CDC7: variants seen among roughly 807,000 people sequenced by gnomAD.
CDC7 encodes cell division cycle 7-related protein kinase.
In CDC7, 34 loss-of-function variants were observed where a neutral mutation model predicts 53.5. The ratio of observed to expected loss-of-function variants is 0.64; its 90% CI spans 0.48 to 0.85. The LOEUF (loss-of-function observed/expected upper bound fraction) is 0.85, where lower values mean the gene tolerates loss of function less well. Among genes scored for constraint, CDC7 ranks in the 40% least tolerant of loss-of-function variants. The probability of loss-of-function intolerance (pLI) is 0.00; values close to 1 mark genes in which losing one functional copy is unlikely to be tolerated. For synonymous variants in CDC7, 211 were observed against 222.8 expected (o/e 0.95, Z 0.47); for missense variants, 594 against 679.7 (o/e 0.87, Z 1.40).
intron 6 of CDC7, 132 bp from the exon 7 acceptor site, chr1:91,512,926 T>A: frequency 2.6e-6 from 2 of 766,226 alleles, no homozygotes; most frequent in Non-Finnish European, 4.1e-6. Flanking sequence ...TTTTCTTTTT[T>A]CCAGAATGTT....
At chr1:91,508,227 C>A in intron 3 of CDC7, 35 bp from the exon 4 acceptor site, 2 of 1,535,068 alleles carry the variant, frequency 1.3e-6, no homozygotes, top group South Asian at 2.5e-5. Flanking sequence ...TTTTTAAAAA[C>A]CAGATATTGA....
Position 91,512,930 on chromosome 1 carries a change from G to T in CDC7, c.573-128G>T. On this transcript the variant is annotated intron_variant, in intron 6 of 11. Transcript: ENST00000234626. Reference sequence around the variant, plus strand: ...AACTTATTTTTTTTTCTTTTTTCCAGAATGTTATAAATTCCTAATTGATCC... The same window carrying T: ...AACTTATTTTTTTTTCTTTTTTCCATAATGTTATAAATTCCTAATTGATCC... 9.2e-6 allele frequency: 7 copies of T among 760,724 alleles called. No individual in the cohort carries two copies. The South Asian group carries it at 9.9e-5, about 11-fold the overall frequency. The allele number at this position is 760,724 out of a possible 1,614,324, so 47.1% of individuals were successfully genotyped here.
At position 91,525,354 on chromosome 1, in the gene CDC7, T is replaced by C. The variant is rs1315721267; in HGVS notation, c.*919T>C. 1 of 152,166 alleles carries C rather than the reference T, an allele frequency of 6.6e-6. No homozygotes were observed. The highest frequency in any genetic ancestry group is 2.4e-5 in the African/African-American group (1 of 41,444). The allele number at this position is 152,166 out of a possible 1,614,324, so 9.4% of individuals were successfully genotyped here. On this transcript the variant is annotated 3_prime_UTR_variant, in exon 12 of 12. Transcript: ENST00000234626. ...AATTGACGGTATTATTGGAGATTTT[T>C]CCTCTGCGTAGAGCCATCCAGATCT... is the stretch of plus-strand genomic sequence containing the variant.
At chr1:91,519,934 C>T (rs1395916314) in intron 10 of CDC7, among the ~76,000 whole-genome samples, 196 bp from the exon 11 acceptor site, 4 of 152,160 alleles carry the variant, frequency 2.6e-5, no homozygotes, top group Non-Finnish European at 5.9e-5. Flanking sequence ...ATTAAAATCA[C>T]CTGAGGAACT....
intron 2 of CDC7, among the ~76,000 whole-genome samples, chr1:91,504,313 C>T (rs1372203588): frequency 1.3e-5 from 2 of 152,010 alleles, no homozygotes; most frequent in Non-Finnish European, 2.9e-5. Flanking sequence ...TGCTATGTTG[C>T]CCAGGCTGGT....
Position 91,514,016 on chromosome 1 carries a change from C to T in CDC7, c.891C>T (p.Ser297=). ...FGERNFNIHS[S]ISHESPAVKL... ...AAAGAAATTTCAATATACACAGCTC[C>T]ATTTCACATGAGAGCCCTGCAGTGA... is the stretch of plus-strand genomic sequence containing the variant. The change falls in exon 8 of 12, where the codon TCC becomes TCT. Residue 297 remains serine, a synonymous_variant. Transcript: ENST00000234626. 6.2e-7 allele frequency: 1 copy of T among 1,611,576 alleles called. No individual in the cohort carries two copies. Among genetic ancestry groups the T allele is most frequent in the Non-Finnish European group, 8.5e-7 (1 of 1,178,094 alleles).
chr1:91,517,005 C>T (rs984605346), intron 10 of CDC7, among the ~76,000 whole-genome samples: 1 of 152,052 alleles, frequency 6.6e-6, no homozygotes, highest in African/African-American at 2.4e-5. Flanking sequence ...GCGGAAGTTG[C>T]AGTGAGCCAA....
intron 11 of CDC7, among the ~76,000 whole-genome samples, chr1:91,521,077 C>T (rs1347427003): frequency 6.6e-6 from 1 of 152,216 alleles, no homozygotes; most frequent in Non-Finnish European, 1.5e-5. Flanking sequence ...CCATACAATA[C>T]AGAACACCTC....
At position 91,524,393 on chromosome 1, in the gene CDC7, A is replaced by C. The variant is rs561497242; in HGVS notation, c.1683A>C (p.Glu561Asp). The change falls in exon 12 of 12, where the codon GAA (glutamate) becomes GAC (aspartate). Residue 561 changes from glutamate to aspartate, a missense_variant. Transcript: ENST00000234626. ...DLNPASRITA[E>D]EALLHPFFKD... ...ATCCAGCTTCAAGAATAACAGCAGA[A>C]GAAGCTTTGTTGCATCCATTTTTTA... is the stretch of plus-strand genomic sequence containing the variant. 6 of 1,612,098 alleles carry C rather than the reference A, an allele frequency of 3.7e-6. No homozygotes were observed. The highest frequency in any genetic ancestry group is 1.7e-4 in the Middle Eastern group (1 of 5,934).
rs1209178340 is a variant in CDC7 at position 91,524,060 on chromosome 1, C to T, written c.1350C>T (p.Ser450=). The change falls in exon 12 of 12, where the codon AGC becomes AGT. Residue 450 remains serine (S), a synonymous_variant. Coordinates refer to ENST00000234626, the MANE Select transcript of CDC7 (RefSeq NM_003503.4). Reference sequence around the variant, plus strand: ...TTTTAGGGAAATCAATATTATGTAGCAAAGAAGTTCCAGCACAAGACTTGA... The same window carrying T: ...TTTTAGGGAAATCAATATTATGTAGTAAAGAAGTTCCAGCACAAGACTTGA... ...AKTFGKSILC[S]KEVPAQDLRK... 6.3e-7 allele frequency: 1 copy of T among 1,597,444 alleles called. No individual in the cohort carries two copies. Among genetic ancestry groups the T allele is most frequent in the Admixed American group, 1.7e-5 (1 of 57,182 alleles).
At chr1:91,523,015 T>G (rs1442000686) in intron 11 of CDC7, among the ~76,000 whole-genome samples, 1 of 152,242 alleles carries the variant, frequency 6.6e-6, no homozygotes, top group East Asian at 1.9e-4. Context: ...AATACATGAT[T>G]GCCATTTGTG....
At chr1:91,517,785 A>T (rs1291816995) in intron 10 of CDC7, among the ~76,000 whole-genome samples, 1 of 152,076 alleles carries the variant, frequency 6.6e-6, no homozygotes, top group Non-Finnish European at 1.5e-5. Flanking sequence ...GAGCAGGCAG[A>T]GGTACCAAAG....
chr1:91,507,921 G>T lies in CDC7; in HGVS notation c.183G>T (p.Glu61Asp). ...VPQLSNVFKI[E>D]DKIGEGTFSS... is the part of the protein sequence containing the mutation. Reference sequence around the variant, plus strand: ...AGCTTAGTAATGTGTTTAAGATTGAGGACAAAATTGGAGAAGGTAATCTGG... The same window carrying T: ...AGCTTAGTAATGTGTTTAAGATTGATGACAAAATTGGAGAAGGTAATCTGG... The change falls in exon 3 of 12, where the codon GAG (glutamate) becomes GAT (aspartate). Residue 61 changes from glutamate to aspartate, a missense_variant. By Grantham distance (45) the Glu-to-Asp change is conservative. Coordinates refer to ENST00000234626, the MANE Select transcript of CDC7 (RefSeq NM_003503.4). 6.4e-7 allele frequency: 1 copy of T among 1,557,330 alleles called. No individual in the cohort carries two copies. The highest frequency in any genetic ancestry group is 2.3e-5 in the East Asian group (1 of 42,972).
chr1:91,523,438 A>G (rs1218141640), intron 11 of CDC7, among the ~76,000 whole-genome samples: 1 of 152,204 alleles, frequency 6.6e-6, no homozygotes, highest in East Asian at 1.9e-4. Context: ...TCAAAGATAA[A>G]TAAGACAGTT....
chr1:91,523,380 T>C (rs1025461497), intron 11 of CDC7, among the ~76,000 whole-genome samples: 1 of 152,196 alleles, frequency 6.6e-6, no homozygotes, highest in Non-Finnish European at 1.5e-5. Flanking sequence ...CCAACAGACA[T>C]TAACTGACTA....
chr1:91,518,093 CAAAA>C (rs55787737), intron 10 of CDC7, among the ~76,000 whole-genome samples: 30 of 46,024 alleles, frequency 6.5e-4, no homozygotes, highest in Non-Finnish European at 9.4e-4. Context: ...GACTCAGTCT[CAAAA>C]AAAAAAAAAA....
chr1:91,524,062 A>G lies in CDC7; in HGVS notation c.1352A>G (p.Lys451Arg). The change falls in exon 12 of 12, where the codon AAA (lysine) becomes AGA (arginine). Residue 451 changes from lysine to arginine, a missense_variant. By Grantham distance (26) the Lys-to-Arg change is conservative (BLOSUM62 2). Coordinates refer to ENST00000234626, the MANE Select transcript of CDC7 (RefSeq NM_003503.4). ...TTAGGGAAATCAATATTATGTAGCA[A>G]AGAAGTTCCAGCACAAGACTTGAGA... ...KTFGKSILCS[K>R]EVPAQDLRKL... The G allele has an allele frequency of 1.3e-6, 2 of 1,599,330 alleles. No individual in the cohort carries two copies. The highest frequency in any genetic ancestry group is 1.3e-5 in the African/African-American group (1 of 74,252).
chr1:91,503,921 T>G (rs993871892), intron 2 of CDC7, among the ~76,000 whole-genome samples: 2 of 152,140 alleles, frequency 1.3e-5, no homozygotes, highest in Admixed American at 1.3e-4. Flanking sequence ...ATATTGCTCA[T>G]GTAGTAAATA....
At chr1:91,512,031 T>A (rs938679376) in intron 6 of CDC7, 108 bp downstream of exon 6, 19 of 830,938 alleles carry the variant, frequency 2.3e-5, no homozygotes, top group Non-Finnish European at 3.0e-5. Context: ...GTACAAAAGT[T>A]ACTATTGTGA....
Sources: gnomAD v4.1 joint callset for allele counts (sites outside exome capture counted in the v4.1 genomes callset) on GRCh38, gnomAD v4.1.1 for gene constraint, MANE v1.5 for transcripts, NCBI Gene and HGNC (gene_info 2026-07-23, HGNC 2026-07-21) for gene names.